Variants in ACOXL observed in about 807,000 individuals in gnomAD.
ACOXL encodes acyl-CoA oxidase like.
Under a neutral mutation model 71.9 loss-of-function variants are expected in ACOXL, and 70 were observed. The observed-to-expected ratio is 0.97, with a 90% CI of 0.80 to 1.19. The LOEUF is 1.19. Ranked by LOEUF, ACOXL falls within the 50% of genes most tolerant of loss-of-function variation. The pLI is 0.00. For missense variants in ACOXL, 703 were observed against 736.3 expected (o/e 0.95, Z 0.52); for synonymous variants, 253 against 281.6 (o/e 0.90, Z 1.02).
At chr2:110,860,449 G>T (rs1417790736) in intron 10 of ACOXL, among the ~76,000 whole-genome samples, 1 of 151,958 alleles carries the variant, frequency 6.6e-6, no homozygotes, top group African/African-American at 2.4e-5. Flanking sequence ...CCTGTGTAGA[G>T]ACCCAGGAAA....
chr2:110,993,794 T>A (rs2063280220), intron 13 of ACOXL, among the ~76,000 whole-genome samples: 1 of 152,252 alleles, frequency 6.6e-6, no homozygotes, highest in South Asian at 2.1e-4. Flanking sequence ...CAACACTTGA[T>A]GTCAGTGTAC....
intron 14 of ACOXL, among the ~76,000 whole-genome samples, chr2:111,014,728 T>C (rs973589040): frequency 6.6e-6 from 1 of 152,214 alleles, no homozygotes; most frequent in Non-Finnish European, 1.5e-5. Flanking sequence ...TCAAAGCTTG[T>C]GCTAATGCTT....
intron 10 of ACOXL, among the ~76,000 whole-genome samples, chr2:110,892,495 T>C (rs1184018166): frequency 6.6e-6 from 1 of 152,162 alleles, no homozygotes; most frequent in Non-Finnish European, 1.5e-5. Flanking sequence ...TAAATGGCGC[T>C]CAACCACTGG....
At chr2:110,863,503 C>T (rs1157602344) in intron 10 of ACOXL, among the ~76,000 whole-genome samples, 1 of 151,928 alleles carries the variant, frequency 6.6e-6, no homozygotes, top group Non-Finnish European at 1.5e-5. Context: ...TCCTCTTCTA[C>T]AATGAATGTG....
chr2:110,868,713 C>T (rs1573914187), intron 10 of ACOXL, among the ~76,000 whole-genome samples: 1 of 152,104 alleles, frequency 6.6e-6, no homozygotes, highest in African/African-American at 2.4e-5. Context: ...CTCAGCCTCC[C>T]GAGTAGCTGG....
At chr2:110,769,796 T>C (rs1174244535) in intron 2 of ACOXL, among the ~76,000 whole-genome samples, 1 of 152,008 alleles carries the variant, frequency 6.6e-6, no homozygotes, top group Non-Finnish European at 1.5e-5. Flanking sequence ...ATTGCGCCAC[T>C]GCACTCCAGC....
At chr2:110,757,691 G>A (rs1679879298) in intron 1 of ACOXL, among the ~76,000 whole-genome samples, 1 of 151,204 alleles carries the variant, frequency 6.6e-6, no homozygotes, top group Admixed American at 6.6e-5. Flanking sequence ...CCACATGTAT[G>A]TCTTCTTTTG....
intron 1 of ACOXL, among the ~76,000 whole-genome samples, chr2:110,765,265 C>T (rs1408761531): frequency 1.3e-5 from 2 of 152,136 alleles, no homozygotes; most frequent in Admixed American, 1.3e-4. Context: ...ACATGGGCTT[C>T]TTTGGGTTTA....
At chr2:110,933,207 A>T (rs1366863823) in intron 11 of ACOXL, among the ~76,000 whole-genome samples, 1 of 152,118 alleles carries the variant, frequency 6.6e-6, no homozygotes, top group Non-Finnish European at 1.5e-5. Context: ...GTTTTAGAAT[A>T]TTATCCTGCA....
At chr2:110,901,689 C>T (rs951973840) in intron 10 of ACOXL, among the ~76,000 whole-genome samples, 7 of 151,882 alleles carry the variant, frequency 4.6e-5, no homozygotes, top group African/African-American at 1.7e-4. Flanking sequence ...CACTCACTTA[C>T]ACACACACAG....
intron 16 of ACOXL, among the ~76,000 whole-genome samples, chr2:111,076,086 T>G (rs937169482): frequency 2.6e-5 from 4 of 152,176 alleles, no homozygotes; most frequent in Non-Finnish European, 5.9e-5. Flanking sequence ...GAAGATCTAG[T>G]TGGTTGATAA....
chr2:111,087,814 AAG>A (rs2068294463), intron 16 of ACOXL, among the ~76,000 whole-genome samples: 1 of 152,252 alleles, frequency 6.6e-6, no homozygotes, highest in Non-Finnish European at 1.5e-5. Context: ...AATTAAACTA[AAG>A]AGCTTCTGCT....
Position 110,933,556 on chromosome 2 carries a change from C to T in ACOXL, c.973C>T (p.Gln325Ter), listed in dbSNP as rs2060556772. The part of the protein sequence containing the change: ...GKELVNSRSL[Q>*]ALVAGLKAYS... Reference sequence around the variant, plus strand: ...GGAGCTGGTCAACAGTCGCTCGCTGCAGGCTCTGGTGGCGGGGCTGAAGGC... The same window carrying T: ...GGAGCTGGTCAACAGTCGCTCGCTGTAGGCTCTGGTGGCGGGGCTGAAGGC... The change falls in exon 12 of 18, where the codon CAG becomes TAG. Residue 325 changes from glutamine to a stop codon, truncating the protein, a stop_gained. Coordinates refer to ENST00000439055, the MANE Select transcript of ACOXL (RefSeq NM_001142807.4). LOFTEE classifies it high-confidence loss of function. The T allele has an allele frequency of 6.2e-7, 1 of 1,614,184 alleles. No individual in the cohort carries two copies. Among genetic ancestry groups the T allele is most frequent in the South Asian group, 1.1e-5 (1 of 91,080 alleles).
intron 10 of ACOXL, among the ~76,000 whole-genome samples, chr2:110,847,250 C>G (rs1016504286): frequency 6.6e-6 from 1 of 152,132 alleles, no homozygotes; most frequent in Non-Finnish European, 1.5e-5. Context: ...TGACGCAGTG[C>G]AGCAGAGTGA....
intron 1 of ACOXL, among the ~76,000 whole-genome samples, chr2:110,756,441 T>A (rs1334381069): frequency 6.6e-6 from 1 of 152,220 alleles, no homozygotes; most frequent in African/African-American, 2.4e-5. Flanking sequence ...GGTCTGTTTA[T>A]TTTATAGGTT....
chr2:111,063,732 C>T (rs1277716806), intron 16 of ACOXL, among the ~76,000 whole-genome samples: 2 of 152,168 alleles, frequency 1.3e-5, no homozygotes, highest in East Asian at 1.9e-4. Context: ...AAAGTTTGGT[C>T]TTACTATTTC....
In ACOXL at chr2:110,901,899, C is replaced by T. The variant is rs535763269; in HGVS notation, c.789-6890C>T. Reference sequence around the variant, plus strand: ...AAAATTAGGCAGGTGTGGTGGCATGCACCTGTAATCCCAGTTACTCAAGAG... The same window carrying T: ...AAAATTAGGCAGGTGTGGTGGCATGTACCTGTAATCCCAGTTACTCAAGAG... On this transcript the variant is annotated intron_variant, in intron 10 of 17. Transcript: ENST00000439055. Among the ~76,000 whole-genome samples the T allele has an allele frequency of 1.2e-3, 186 of 152,068 alleles. 1 individual carries two copies. The highest frequency in any genetic ancestry group is 2.0e-3 in the Non-Finnish European group (139 of 67,962).
rs572709275 is a variant in ACOXL at position 110,789,696 on chromosome 2, C to A, written c.160-3954C>A. Among the ~76,000 whole-genome samples, 10 of 152,284 alleles carry A rather than the reference C, an allele frequency of 6.6e-5. No individual in the cohort carries two copies. The South Asian group carries it at 8.3e-4, about 13-fold the overall frequency. ...TCCATCTCCAAATACCATCACACAG[C>A]GGGTAGGGCTTTAACATATGAATTT... On this transcript the variant is annotated intron_variant, in intron 3 of 17. Transcript: ENST00000439055.
rs113295008 is a variant in ACOXL, at chr2:111,027,624, G to GT, written c.1282-3995dup. Among the ~76,000 whole-genome samples the GT allele has an allele frequency of 9.9e-4, 150 of 151,840 alleles. 1 individual carries two copies. Among genetic ancestry groups the GT allele is most frequent in the African/African-American group, 3.4e-3 (140 of 41,436 alleles). On this transcript the variant is annotated intron_variant, in intron 14 of 17. Coordinates refer to ENST00000439055, the MANE Select transcript of ACOXL (RefSeq NM_001142807.4). ...CGTGAGCCACCGCACTTGGCCCCTT[G>GT]TTTTTTTTATTGAATAAGTACCTCA...
Sources: gnomAD v4.1 joint callset for allele counts (sites outside exome capture counted in the v4.1 genomes callset) on GRCh38, gnomAD v4.1.1 for gene constraint, MANE v1.5 for transcripts, NCBI Gene and HGNC (gene_info 2026-07-23, HGNC 2026-07-21) for gene names.